Variants in RNF157 observed in about 807,000 individuals in gnomAD.
RNF157 encodes E3 ubiquitin ligase RNF157.
In RNF157, 55 loss-of-function variants were observed where a neutral mutation model predicts 88.3. That is an observed-to-expected ratio of 0.62 (90% CI 0.50 to 0.78). The LOEUF is 0.78. RNF157 is among the 30% of genes least tolerant of loss of function. RNF157 has a pLI of 0.00. For synonymous variants in RNF157, 334 were observed against 341.2 expected (o/e 0.98, Z 0.23); for missense variants, 788 against 860.8 (o/e 0.92, Z 1.06).
At chr17:76,217,113 C>T (rs1471952263) in intron 1 of RNF157, among the ~76,000 whole-genome samples, 1 of 152,078 alleles carries the variant, frequency 6.6e-6, no homozygotes, top group Non-Finnish European at 1.5e-5. Flanking sequence ...GGGGAAGACG[C>T]ATAAAATGTG....
chr17:76,145,485 C>T (rs895673336), intron 18 of RNF157, 132 bp from the exon 19 acceptor site: 13 of 629,996 alleles, frequency 2.1e-5, no homozygotes, highest in South Asian at 6.0e-5. Context: ...GATGACGGTG[C>T]GAGCCACAGC....
rs563320602 is a variant in RNF157 at position 76,238,637 on chromosome 17, C to CA, written c.88+1515dup. On this transcript the variant is annotated intron_variant, in intron 1 of 18. Transcript: ENST00000269391. ...ACACTATTGAAAATTCCAAGCTCAG[C>CA]AAAGTATGCTCCATATTTTGATCAA... Among the ~76,000 whole-genome samples the CA allele has an allele frequency of 4.3e-4, 66 of 152,268 alleles. 1 individual carries two copies. Among genetic ancestry groups the CA allele is most frequent in the African/African-American group, 1.5e-3 (63 of 41,546 alleles).
chr17:76,215,484 A>AG, intron 1 of RNF157, among the ~76,000 whole-genome samples: 1 of 151,374 alleles, frequency 6.6e-6, no homozygotes, highest in African/African-American at 2.4e-5. Flanking sequence ...GAAAAAAAAA[A>AG]GAAAGAAAGA....
intron 7 of RNF157, 52 bp downstream of exon 7, chr17:76,165,450 C>A: frequency 6.3e-7 from 1 of 1,593,162 alleles, no homozygotes; most frequent in South Asian, 1.1e-5. Flanking sequence ...ATGTGTCTCA[C>A]ACGAAAGAAA....
intron 6 of RNF157, 125 bp from the exon 7 acceptor site, chr17:76,165,670 T>C (rs2068911929): frequency 3.1e-6 from 3 of 972,640 alleles, no homozygotes. Context: ...AGGGGCACGT[T>C]ATATAACCCA....
intron 1 of RNF157, among the ~76,000 whole-genome samples, chr17:76,219,653 A>G (rs975283260): frequency 6.6e-6 from 1 of 152,224 alleles, no homozygotes; most frequent in Non-Finnish European, 1.5e-5. Flanking sequence ...ATTTCTGTAA[A>G]GCAATCCCTA....
At chr17:76,239,497 T>A (rs12103653) in intron 1 of RNF157, among the ~76,000 whole-genome samples, 75,553 of 151,302 alleles carry the variant, frequency 0.5, 19,482 homozygotes, top group African/African-American at 0.61. Context: ...GTAACTCTGA[T>A]ACTCAGATTC....
chr17:76,215,284 C>T (rs2069868996), intron 1 of RNF157, among the ~76,000 whole-genome samples: 1 of 151,860 alleles, frequency 6.6e-6, no homozygotes, highest in African/African-American at 2.4e-5. Flanking sequence ...AAGACCTTGT[C>T]TCTACTAAAA....
intron 2 of RNF157, among the ~76,000 whole-genome samples, chr17:76,206,384 G>A (rs1476979583): frequency 6.6e-6 from 1 of 152,174 alleles, no homozygotes; most frequent in African/African-American, 2.4e-5. Flanking sequence ...TGCCACCTAG[G>A]AAGGGAAGGG....
intron 2 of RNF157, among the ~76,000 whole-genome samples, chr17:76,208,395 A>G (rs999818585): frequency 6.6e-6 from 1 of 152,182 alleles, no homozygotes; most frequent in Non-Finnish European, 1.5e-5. Flanking sequence ...GATCCCTTAC[A>G]GGCTGTGCAG....
intron 1 of RNF157, among the ~76,000 whole-genome samples, chr17:76,222,044 G>T (rs565396571): frequency 2.0e-5 from 3 of 152,332 alleles, no homozygotes; most frequent in Non-Finnish European, 4.4e-5. Flanking sequence ...CTGCTTAATT[G>T]GTTTTATTTT....
At chr17:76,158,543 T>C (rs1294386276) in intron 12 of RNF157, 42 bp from the exon 13 acceptor site, 4 of 1,410,764 alleles carry the variant, frequency 2.8e-6, no homozygotes, top group South Asian at 1.1e-5. Context: ...CCAACGTCCA[T>C]TTAAAGAACA....
intron 1 of RNF157, among the ~76,000 whole-genome samples, chr17:76,223,237 G>A (rs1334977731): frequency 1.3e-5 from 2 of 149,762 alleles, no homozygotes; most frequent in African/African-American, 2.5e-5. Flanking sequence ...ACCCAGGCTG[G>A]AGTGCAGTAG....
intron 1 of RNF157, among the ~76,000 whole-genome samples, chr17:76,239,703 G>A (rs1322858665): frequency 6.6e-6 from 1 of 152,162 alleles, no homozygotes; most frequent in African/African-American, 2.4e-5. Context: ...AGCACCTGGC[G>A]CAAGTGCCTG....
At chr17:76,181,868 A>C (rs1475813162) in intron 2 of RNF157, among the ~76,000 whole-genome samples, 4 of 146,274 alleles carry the variant, frequency 2.7e-5, no homozygotes, top group Non-Finnish European at 6.1e-5. Flanking sequence ...AGATCACACC[A>C]CTGCACTCCA....
At chr17:76,239,748 G>T (rs150578741) in intron 1 of RNF157, among the ~76,000 whole-genome samples, 5 of 152,274 alleles carry the variant, frequency 3.3e-5, no homozygotes, top group Non-Finnish European at 7.4e-5. Context: ...CGCGGCCCTC[G>T]GACCCCGCGA....
At chr17:76,194,061 GTTGGT>G (rs560826940) in intron 2 of RNF157, among the ~76,000 whole-genome samples, 39 of 152,050 alleles carry the variant, frequency 2.6e-4, no homozygotes, top group African/African-American at 8.9e-4. Context: ...CTGTTTTTTT[GTTGGT>G]TTGTTTATCA....
At chr17:76,228,377 A>G (rs1019459348) in intron 1 of RNF157, among the ~76,000 whole-genome samples, 1 of 152,058 alleles carries the variant, frequency 6.6e-6, no homozygotes, top group African/African-American at 2.4e-5. Flanking sequence ...CAACTTCCCC[A>G]TATTTCTACC....
At chr17:76,233,123 T>C (rs1169116630) in intron 1 of RNF157, among the ~76,000 whole-genome samples, 3 of 152,150 alleles carry the variant, frequency 2.0e-5, no homozygotes, top group African/African-American at 4.8e-5. Context: ...GGTTTCACCA[T>C]GTTAGCCAGG....
Sources: gnomAD v4.1 joint callset for allele counts (sites outside exome capture counted in the v4.1 genomes callset) on GRCh38, gnomAD v4.1.1 for gene constraint, MANE v1.5 for transcripts, NCBI Gene and HGNC (gene_info 2026-07-23, HGNC 2026-07-21) for gene names.